CBLB: variants seen among roughly 807,000 people sequenced by gnomAD.
CBLB encodes the protein E3 ubiquitin-protein ligase CBL-B.
CBLB carries 31 observed loss-of-function variants against 104.9 expected under a neutral mutation model. The observed-to-expected ratio is 0.30, with a 90% CI of 0.22 to 0.40. The LOEUF is 0.40. Among genes scored for constraint, CBLB ranks in the 10% least tolerant of loss-of-function variants. The probability of loss-of-function intolerance (pLI) is 1.00; values close to 1 mark genes in which losing one functional copy is unlikely to be tolerated. For missense variants in CBLB, 1,062 were observed against 1,214.6 expected, an observed-to-expected ratio of 0.87 and a Z score of 1.87; for synonymous variants, 440 against 422.6, an observed-to-expected ratio of 1.04 and a Z score of -0.51.
intron 2 of CBLB, among the ~76,000 whole-genome samples, chr3:105,861,827 C>T (rs992959753): frequency 6.6e-6 from 1 of 152,048 alleles, no homozygotes; most frequent in African/African-American, 2.4e-5. Context: ...AATCCACATA[C>T]TCATTTTAAT....
intron 14 of CBLB, 94 bp from the exon 15 acceptor site, chr3:105,681,912 T>C: frequency 2.6e-6 from 2 of 757,398 alleles, no homozygotes; most frequent in South Asian, 1.5e-5. Context: ...CCTGTTTATT[T>C]AATAAAGTTT....
chr3:105,831,972 G>A (rs1168306912), intron 3 of CBLB, among the ~76,000 whole-genome samples: 2 of 151,996 alleles, frequency 1.3e-5, no homozygotes, highest in Non-Finnish European at 2.9e-5. Flanking sequence ...AAGAAAAGAA[G>A]GTTGCAGCCA....
intron 18 of CBLB, among the ~76,000 whole-genome samples, chr3:105,665,450 C>T (rs1009103993): frequency 7.2e-6 from 1 of 139,620 alleles, no homozygotes; most frequent in African/African-American, 2.7e-5. Flanking sequence ...TATACACACA[C>T]ACACACATAT....
At position 105,842,280 on chromosome 3, in the gene CBLB, G is replaced by A. The variant is rs59612207; in HGVS notation, c.419+11134C>T. 6.4e-3 allele frequency among the ~76,000 whole-genome samples: 979 copies of A among 152,210 alleles called. 31 individuals carry two copies. The highest frequency in any genetic ancestry group is 0.055 in the East Asian group (284 of 5,178). ...GACTAATAAATGGTTCATTTTCCCC[G>A]ACCAAATATTCTCCTGTCTTCTGCT... On this transcript the variant is annotated intron_variant, in intron 3 of 18. Transcript: ENST00000394030.
rs1177230352 is a variant in CBLB, at chr3:105,704,069, C to A, written c.1512G>T (p.Leu504=). The A allele has an allele frequency of 1.2e-6, 2 of 1,613,970 alleles. No individual in the cohort carries two copies. Among genetic ancestry groups the A allele is most frequent in the African/African-American group, 2.7e-5 (2 of 74,924 alleles). Residue 504 remains leucine, a synonymous_variant, in exon 11 of 19, where the codon CTG becomes CTT. Transcript: ENST00000394030. ...GATCCAGGCGAGGAGGCACGGGTGG[C>A]AGGCTTAGATGTGGGATCTGGAGTG... is the stretch of plus-strand genomic sequence containing the variant. ...PDPLQIPHLS[L]PPVPPRLDLI...
intron 3 of CBLB, among the ~76,000 whole-genome samples, chr3:105,784,202 T>C (rs2080675728): frequency 1.3e-5 from 2 of 152,118 alleles, no homozygotes; most frequent in South Asian, 2.1e-4. Context: ...TATCCTTTTG[T>C]AAAATAAACC....
intron 3 of CBLB, among the ~76,000 whole-genome samples, chr3:105,850,563 A>G (rs2090811220): frequency 6.6e-6 from 1 of 152,172 alleles, no homozygotes; most frequent in Non-Finnish European, 1.5e-5. Flanking sequence ...TATTCCATAT[A>G]TATTTAAAAT....
At chr3:105,853,797 T>C in intron 2 of CBLB, 133 bp from the exon 3 acceptor site, 1 of 641,952 alleles carries the variant, frequency 1.6e-6, no homozygotes. Context: ...TATCTCCAAT[T>C]TATTAACTGA....
intron 13 of CBLB, among the ~76,000 whole-genome samples, chr3:105,687,990 T>C (rs1379823264): frequency 6.6e-6 from 1 of 152,026 alleles, no homozygotes; most frequent in Non-Finnish European, 1.5e-5. Flanking sequence ...AAAAAACAGG[T>C]TTAATTTTAC....
chr3:105,701,533 C>G (rs538626731), intron 12 of CBLB, among the ~76,000 whole-genome samples: 41 of 152,186 alleles, frequency 2.7e-4, no homozygotes, highest in African/African-American at 9.6e-4. Context: ...GAGGCTGAGG[C>G]GGGTGGATCC....
intron 3 of CBLB, among the ~76,000 whole-genome samples, chr3:105,782,544 A>G (rs1023817556): frequency 6.7e-6 from 1 of 149,702 alleles, no homozygotes; most frequent in Admixed American, 6.6e-5. Flanking sequence ...AACTTTGGGC[A>G]TTCTTTGATC....
rs896187211 is a variant in CBLB at position 105,775,053 on chromosome 3, T to A, written c.566+1343A>T. 7.2e-5 allele frequency among the ~76,000 whole-genome samples: 11 copies of A among 152,306 alleles called. 1 individual carries two copies. In the East Asian group the frequency reaches 1.7e-3, roughly 24 times the overall value. On this transcript the variant is annotated intron_variant, in intron 4 of 18. Coordinates refer to ENST00000394030, the MANE Select transcript of CBLB (RefSeq NM_170662.5). ...AATAAATATTTAATTAGTATAGTCT[T>A]AGCTGTCTGTGTTATTCTAATTCAG...
At chr3:105,672,503 C>T (rs147078603) in intron 17 of CBLB, 1 of 164,298 alleles carries the variant, frequency 6.1e-6, no homozygotes, top group Non-Finnish European at 1.3e-5. Flanking sequence ...AATTGCTACA[C>T]AGAGTATAAT....
chr3:105,748,023 A>T (rs1294526502), intron 5 of CBLB, among the ~76,000 whole-genome samples: 2 of 152,198 alleles, frequency 1.3e-5, no homozygotes, highest in African/African-American at 2.4e-5. Flanking sequence ...CCCATTCAAA[A>T]CAGAAACATG....
At chr3:105,790,210 C>T (rs980475256) in intron 3 of CBLB, among the ~76,000 whole-genome samples, 1 of 152,110 alleles carries the variant, frequency 6.6e-6, no homozygotes, top group Non-Finnish European at 1.5e-5. Context: ...AGATTGTATA[C>T]TTTTTTAAAA....
intron 9 of CBLB, among the ~76,000 whole-genome samples, chr3:105,722,486 G>A (rs928677187): frequency 6.6e-6 from 1 of 151,990 alleles, no homozygotes; most frequent in African/African-American, 2.4e-5. Flanking sequence ...AGATCGTTTT[G>A]AAGTACCTCC....
chr3:105,666,637 G>C, intron 18 of CBLB, among the ~76,000 whole-genome samples: 1 of 151,984 alleles, frequency 6.6e-6, no homozygotes, highest in East Asian at 1.9e-4. Context: ...TGGGAGCTGA[G>C]ATCACGCCAC....
Position 105,702,359 on chromosome 3 carries a change from A to C in CBLB, c.1694T>G (p.Ile565Ser). Residue 565 changes from isoleucine to serine, a missense_variant, in exon 12 of 19, where the codon ATC becomes AGC. This residue lies in a region of CBLB where 605 missense variants were observed against 582.6 expected (regional missense o/e 1.04). Transcript: ENST00000394030. The part of the protein sequence containing the change: ...PPPPPERPPP[I>S]PPDNRLSRHI... ...TCTACTCAGTCTATTGTCTGGTGGG[A>C]TTGGTGGAGGTCTTTCAGGTGGCGG... is the stretch of plus-strand genomic sequence containing the variant. The C allele has an allele frequency of 6.3e-7, 1 of 1,597,224 alleles. No homozygotes were observed. Among genetic ancestry groups the C allele is most frequent in the African/African-American group, 1.4e-5 (1 of 73,992 alleles).
chr3:105,835,260 T>C (rs1056036992), intron 3 of CBLB, among the ~76,000 whole-genome samples: 8 of 152,182 alleles, frequency 5.3e-5, no homozygotes, highest in African/African-American at 1.7e-4. Context: ...AAGAGTAACT[T>C]TGAAGTCAGA....
Sources: allele counts gnomAD v4.1 joint callset (sites outside exome capture counted in the v4.1 genomes callset), GRCh38; gene constraint gnomAD v4.1.1; regional missense constraint gnomAD v4.1.1; transcripts MANE v1.5; gene names NCBI Gene and HGNC (gene_info 2026-07-23, HGNC 2026-07-21).